The following PCDH15 variants were observed in gnomAD, a reference collection of about 807,000 sequenced individuals.
PCDH15 encodes the protein protocadherin related 15.
Under a neutral mutation model 178.5 loss-of-function variants are expected in PCDH15, and 129 were observed. The observed-to-expected ratio is 0.72, with a 90% CI of 0.63 to 0.84. The LOEUF (loss-of-function observed/expected upper bound fraction) is 0.84, where lower values mean the gene tolerates loss of function less well. Among genes scored for constraint, PCDH15 ranks in the 40% least tolerant of loss-of-function variants. PCDH15 has a pLI of 0.00. For synonymous variants in PCDH15, 800 were observed against 732.0 expected (o/e 1.09, Z -1.50); for missense variants, 2,230 against 2,099.9 (o/e 1.06, Z -1.21).
chr10:55,310,176 T>C (rs1032567802), intron 1 of PCDH15, among the ~76,000 whole-genome samples: 10 of 152,210 alleles, frequency 6.6e-5, no homozygotes, highest in Admixed American at 4.6e-4. Context: ...TAAAAATCTA[T>C]AATTATTTCC....
At chr10:55,430,042 A>G (rs1391685800) in intron 2 of PCDH15, among the ~76,000 whole-genome samples, 1 of 152,206 alleles carries the variant, frequency 6.6e-6, no homozygotes, top group Non-Finnish European at 1.5e-5. Flanking sequence ...AGAATTTGTT[A>G]TAGGTATGTA....
At chr10:53,903,090 T>C (rs756760632) in intron 26 of PCDH15, among the ~76,000 whole-genome samples, 153 bp downstream of exon 26, 1 of 152,164 alleles carries the variant, frequency 6.6e-6, no homozygotes, top group African/African-American at 2.4e-5. Flanking sequence ...ATAATCTGTA[T>C]TGAGTTTAGA....
At chr10:54,927,603 T>G (rs989671092) in intron 2 of PCDH15, among the ~76,000 whole-genome samples, 1 of 152,164 alleles carries the variant, frequency 6.6e-6, no homozygotes, top group African/African-American at 2.4e-5. Context: ...ACATGCTTTA[T>G]GAATCTTAGT....
At chr10:54,316,641 T>A (rs1170389710) in intron 8 of PCDH15, among the ~76,000 whole-genome samples, 2 of 152,070 alleles carry the variant, frequency 1.3e-5, no homozygotes, top group Non-Finnish European at 2.9e-5. Flanking sequence ...GCCTTAAAAT[T>A]CTTATTCTTA....
chr10:54,774,718 C>T (rs777140879), intron 1 of PCDH15, among the ~76,000 whole-genome samples: 4 of 152,044 alleles, frequency 2.6e-5, no homozygotes, highest in Non-Finnish European at 4.4e-5. Context: ...GTAGGTAAAA[C>T]CTAAATGTCA....
chr10:53,869,286 T>C (rs1327490866), intron 26 of PCDH15, among the ~76,000 whole-genome samples: 3 of 152,124 alleles, frequency 2.0e-5, no homozygotes, highest in Non-Finnish European at 4.4e-5. Context: ...AGAAAAACAG[T>C]ATCAAAATTT....
At chr10:53,989,400 T>C (rs1254702834) in intron 21 of PCDH15, among the ~76,000 whole-genome samples, 1 of 152,188 alleles carries the variant, frequency 6.6e-6, no homozygotes, top group African/African-American at 2.4e-5. Context: ...ATCTGAATTG[T>C]TAATTCTAAT....
At chr10:53,876,762 TA>T (rs2080278673) in intron 26 of PCDH15, among the ~76,000 whole-genome samples, 1 of 152,192 alleles carries the variant, frequency 6.6e-6, no homozygotes, top group African/African-American at 2.4e-5. Context: ...TCAACATACC[TA>T]TTTACTTTTT....
At chr10:55,549,680 G>T (rs1589131657) in intron 2 of PCDH15, among the ~76,000 whole-genome samples, 1 of 152,198 alleles carries the variant, frequency 6.6e-6, no homozygotes, top group South Asian at 2.1e-4. Flanking sequence ...ACTTTTCAAT[G>T]TTTCTCCTAA....
intron 13 of PCDH15, among the ~76,000 whole-genome samples, chr10:54,180,142 T>C (rs1342555643): frequency 1.3e-5 from 2 of 152,310 alleles, no homozygotes; most frequent in Middle Eastern, 3.4e-3. Context: ...TCAGCTCCGG[T>C]TACGGAAGAT....
intron 3 of PCDH15, among the ~76,000 whole-genome samples, chr10:54,407,534 C>T (rs1952846787): frequency 1.3e-5 from 2 of 152,066 alleles, no homozygotes; most frequent in Non-Finnish European, 2.9e-5. Context: ...TTTTAAAACT[C>T]TTAAGCTAAA....
intron 15 of PCDH15, among the ~76,000 whole-genome samples, chr10:54,122,765 A>G (rs948600319): frequency 2.6e-5 from 4 of 152,074 alleles, no homozygotes; most frequent in Admixed American, 6.6e-5. Flanking sequence ...TAAGAGCCAA[A>G]TCAAGAACAC....
intron 2 of PCDH15, among the ~76,000 whole-genome samples, chr10:55,018,021 A>T (rs1840225297): frequency 6.6e-6 from 1 of 152,248 alleles, no homozygotes; most frequent in East Asian, 1.9e-4. Flanking sequence ...ACAATTTAAC[A>T]TTTATATTTG....
rs1842644044 is a variant in PCDH15, at chr10:55,105,096, C to A, written c.-80+61480G>T. On this transcript the variant is annotated intron_variant, in intron 2 of 5. Coordinates refer to the PCDH15 transcript ENST00000458638. ...TTTTTATGTTTGTTTACATTTCTCT[C>A]TGCTGAGAATGGTGTCAGGTATGGT... Among the ~76,000 whole-genome samples, 4 of 152,154 alleles carry A rather than the reference C, an allele frequency of 2.6e-5. 1 individual carries two copies. In the South Asian group the frequency reaches 8.3e-4, roughly 32 times the overall value.
chr10:53,817,327 C>CAGTA (rs1438937298), intron 34 of PCDH15, among the ~76,000 whole-genome samples: 1 of 152,012 alleles, frequency 6.6e-6, no homozygotes, highest in Admixed American at 6.6e-5. Context: ...CCAGAATGCC[C>CAGTA]AGTAAGTTCT....
At chr10:54,885,415 A>G (rs1407470477) in intron 3 of PCDH15, among the ~76,000 whole-genome samples, 4 of 152,114 alleles carry the variant, frequency 2.6e-5, no homozygotes, top group Non-Finnish European at 1.5e-5. Flanking sequence ...TTAAAAGACT[A>G]TAACTACTCC....
chr10:55,122,484 A>AAT (rs1837795238), intron 2 of PCDH15, among the ~76,000 whole-genome samples: 1 of 152,106 alleles, frequency 6.6e-6, no homozygotes, highest in Non-Finnish European at 1.5e-5. Flanking sequence ...GCTAAGTTTA[A>AAT]ATATATATAA....
intron 2 of PCDH15, among the ~76,000 whole-genome samples, chr10:54,564,432 G>A (rs1483511248): frequency 6.6e-6 from 1 of 152,072 alleles, no homozygotes; most frequent in Non-Finnish European, 1.5e-5. Context: ...AAAGTATTTG[G>A]AAAGCTGTTT....
intron 2 of PCDH15, among the ~76,000 whole-genome samples, chr10:55,115,810 TA>T (rs1837616693): frequency 6.6e-6 from 1 of 152,174 alleles, no homozygotes; most frequent in Non-Finnish European, 1.5e-5. Context: ...ATCACATTGT[TA>T]AAAGGGTTGT....
Sources: allele counts gnomAD v4.1 joint callset (sites outside exome capture counted in the v4.1 genomes callset), GRCh38; gene constraint gnomAD v4.1.1; transcripts MANE v1.5; gene names NCBI Gene and HGNC (gene_info 2026-07-23, HGNC 2026-07-21).